The following SLCO3A1 variants were observed in gnomAD, a reference collection of about 807,000 sequenced individuals.
The protein encoded by SLCO3A1 is PGE1 transporter.
SLCO3A1 carries 27 observed loss-of-function variants against 63.1 expected under a neutral mutation model. The observed-to-expected ratio is 0.43, with a 90% CI of 0.32 to 0.59. The LOEUF (loss-of-function observed/expected upper bound fraction) is 0.59. Ranked by LOEUF, SLCO3A1 falls within the 20% of genes least tolerant of loss-of-function variation. The probability of loss-of-function intolerance (pLI) is 0.09; values close to 1 mark genes in which losing one functional copy is unlikely to be tolerated. For synonymous variants in SLCO3A1, 473 were observed against 409.9 expected (o/e 1.15, Z -1.86); for missense variants, 773 against 945.8 (o/e 0.82, Z 2.40).
chr15:91,870,780 C>T (rs909879700), intron 1 of SLCO3A1, among the ~76,000 whole-genome samples: 1 of 152,128 alleles, frequency 6.6e-6, no homozygotes, highest in Admixed American at 6.5e-5. Flanking sequence ...TGATTTTAAA[C>T]CATCTTTCTT....
At chr15:92,159,584 G>A (rs201996820) in intron 9 of SLCO3A1, among the ~76,000 whole-genome samples, 2 of 50,358 alleles carry the variant, frequency 4.0e-5, no homozygotes, top group South Asian at 5.5e-4. Context: ...TTTTTTTTTT[G>A]GAGATAGGAT....
At chr15:92,026,934 C>T (rs1740297678) in intron 2 of SLCO3A1, among the ~76,000 whole-genome samples, 1 of 152,108 alleles carries the variant, frequency 6.6e-6, no homozygotes, top group African/African-American at 2.4e-5. Context: ...ACTAAAAATA[C>T]AATAAACTAG....
At chr15:91,866,504 T>C (rs146384074) in intron 1 of SLCO3A1, among the ~76,000 whole-genome samples, 6 of 151,438 alleles carry the variant, frequency 4.0e-5, no homozygotes, top group African/African-American at 1.5e-4. Context: ...ATCTCATCCA[T>C]CTCTGTGGTT....
intron 2 of SLCO3A1, among the ~76,000 whole-genome samples, chr15:92,009,035 T>G (rs2046341943): frequency 6.6e-6 from 1 of 152,224 alleles, no homozygotes. Context: ...TTCTGACATG[T>G]TCTTTTTAAT....
At chr15:92,150,431 G>GA (rs926126386) in intron 8 of SLCO3A1, among the ~76,000 whole-genome samples, 19 of 152,124 alleles carry the variant, frequency 1.2e-4, no homozygotes, top group Non-Finnish European at 1.5e-5. Context: ...CACAGTGCTG[G>GA]AACATGCTAA....
chr15:92,021,865 A>T (rs2046513544), intron 2 of SLCO3A1, among the ~76,000 whole-genome samples: 1 of 151,914 alleles, frequency 6.6e-6, no homozygotes, highest in Non-Finnish European at 1.5e-5. Flanking sequence ...GAGGCAGAGG[A>T]GTGTCAGAGC....
At chr15:91,956,367 T>C (rs1272229265) in intron 2 of SLCO3A1, among the ~76,000 whole-genome samples, 1 of 152,184 alleles carries the variant, frequency 6.6e-6, no homozygotes, top group Non-Finnish European at 1.5e-5. Flanking sequence ...TTTTTACCAC[T>C]TCTGGGCAGC....
intron 1 of SLCO3A1, chr15:91,889,093 T>C (rs1285999638): frequency 8.6e-7 from 1 of 1,162,176 alleles, no homozygotes; most frequent in East Asian, 6.5e-5. Flanking sequence ...GTGTACTTGT[T>C]ATTACAGAAT....
rs530783797 is a variant in SLCO3A1, at chr15:91,885,103, A to G, written c.181-30890A>G. Among the ~76,000 whole-genome samples the G allele has an allele frequency of 2.0e-5, 3 of 152,230 alleles. No homozygotes were observed. In the East Asian group the frequency reaches 5.8e-4, roughly 29 times the overall value. On this transcript the variant is annotated intron_variant, in intron 1 of 9. Transcript: ENST00000318445. The surrounding 1 kb of genome is among the most constrained non-coding windows in gnomAD (Gnocchi z 4.7). ...CGTCCCATATAGGGACACAGAAAGG[A>G]GGTGATGGGGGTGGTGCTGAGCCTG...
At chr15:91,971,376 C>T (rs1900856110) in intron 2 of SLCO3A1, among the ~76,000 whole-genome samples, 2 of 43,340 alleles carry the variant, frequency 4.6e-5, no homozygotes, top group South Asian at 1.1e-3. Context: ...GCCTGGGTGA[C>T]AGAGCGAGAC....
At position 91,942,515 on chromosome 15, in the gene SLCO3A1, C is replaced by T. The variant is rs1012350871; in HGVS notation, c.646+26057C>T. On this transcript the variant is annotated intron_variant, in intron 2 of 9. Coordinates refer to ENST00000318445, the MANE Select transcript of SLCO3A1 (RefSeq NM_013272.4). This position sits in a 1 kb window ranked among gnomAD's most constrained non-coding sequence, Gnocchi z 4.1. ...TCAGTGGCCATCCCTCTTAGATTGA[C>T]GATGCCCAGGCTCACTGGTTTTCAA... Among the ~76,000 whole-genome samples the T allele has an allele frequency of 3.3e-5, 5 of 152,152 alleles. No individual in the cohort carries two copies. Among genetic ancestry groups the T allele is most frequent in the African/African-American group, 7.2e-5 (3 of 41,444 alleles).
chr15:92,044,369 G>A (rs2046835098), intron 2 of SLCO3A1, among the ~76,000 whole-genome samples: 2 of 152,066 alleles, frequency 1.3e-5, no homozygotes, highest in Admixed American at 6.6e-5. Flanking sequence ...CCAACTGCAG[G>A]CATATTCTGT....
At position 91,918,936 on chromosome 15, in the gene SLCO3A1, G is replaced by T. The variant is rs534356016; in HGVS notation, c.646+2478G>T. On this transcript the variant is annotated intron_variant, in intron 2 of 9. Transcript: ENST00000318445. ...TCTAGAGAGGGGCCCACAACCAATT[G>T]TCTGGTCATATGCCTAAATCGTGAC... 7.9e-5 allele frequency among the ~76,000 whole-genome samples: 12 copies of T among 152,342 alleles called. 1 individual carries two copies. The South Asian group carries it at 2.5e-3, about 32-fold the overall frequency.
intron 2 of SLCO3A1, among the ~76,000 whole-genome samples, chr15:92,047,103 T>TATATATAATATATAAATATATATGTATAA (rs2046880705): frequency 9.2e-5 from 1 of 10,886 alleles, no homozygotes; most frequent in African/African-American, 3.9e-4. Flanking sequence ...TATATACAAA[T>TATATATAATATATAAATATATATGTATAA]ATATATATAA....
chr15:92,115,839 T>G (rs962744396), intron 4 of SLCO3A1, among the ~76,000 whole-genome samples: 2 of 52,124 alleles, frequency 3.8e-5, no homozygotes, highest in African/African-American at 5.8e-5. Context: ...AAAAAAAAAA[T>G]GGACTAAGTC....
Position 92,147,174 on chromosome 15 carries a change from C to G in SLCO3A1, c.1688+15C>G, listed in dbSNP as rs1322001082. ...ATCCTCATCAGGTAAGCCCTCGGCACAGCCCCGCCTCTCCTCCTTTCCACC... is the reference window on the plus strand; with the variant it reads ...ATCCTCATCAGGTAAGCCCTCGGCAGAGCCCCGCCTCTCCTCCTTTCCACC... On this transcript the variant is annotated intron_variant, in intron 8 of 9. Coordinates refer to ENST00000318445, the MANE Select transcript of SLCO3A1 (RefSeq NM_013272.4). The G allele has an allele frequency of 6.3e-7, 1 of 1,598,894 alleles. No homozygotes were observed. The highest frequency in any genetic ancestry group is 2.2e-5 in the East Asian group (1 of 44,706).
rs1348258554 is a variant in SLCO3A1 at position 92,139,920 on chromosome 15, A to C, written c.1513-7064A>C. 8.2e-3 allele frequency among the ~76,000 whole-genome samples: 1,221 copies of C among 149,352 alleles called. 13 individuals carry two copies. Among genetic ancestry groups the C allele is most frequent in the African/African-American group, 0.029 (1,175 of 39,848 alleles). ...CTATCAATTTTGTTGATCCTTTCAA[A>C]AAACCAGCTCCTGGATTCATTAATT... is the stretch of plus-strand genomic sequence containing the variant. On this transcript the variant is annotated intron_variant, in intron 7 of 9. Coordinates refer to ENST00000318445, the MANE Select transcript of SLCO3A1 (RefSeq NM_013272.4).
Position 91,941,951 on chromosome 15 carries a change from G to A in SLCO3A1, c.646+25493G>A, listed in dbSNP as rs1052240312. ...GGGGGCTTGCACCAGCGTACTGGCT[G>A]AGGACTGCCTGCCTTTGAGCTAGGT... On this transcript the variant is annotated intron_variant, in intron 2 of 9. Coordinates refer to ENST00000318445, the MANE Select transcript of SLCO3A1 (RefSeq NM_013272.4). This position sits in a 1 kb window ranked among gnomAD's most constrained non-coding sequence, Gnocchi z 4.4. 6.6e-6 allele frequency among the ~76,000 whole-genome samples: 1 copy of A among 152,212 alleles called. No individual in the cohort carries two copies. The highest frequency in any genetic ancestry group is 6.5e-5 in the Admixed American group (1 of 15,280).
intron 9 of SLCO3A1, chr15:92,153,419 A>G (rs1187828355): frequency 6.6e-6 from 1 of 152,226 alleles, no homozygotes; most frequent in Admixed American, 6.5e-5. Context: ...CTAGAAGACT[A>G]TGACACAGCT....
Sources: gnomAD v4.1 joint callset for allele counts (sites outside exome capture counted in the v4.1 genomes callset) on GRCh38, gnomAD v4.1.1 for gene constraint, Gnocchi (gnomAD v3.1) non-coding constraint, MANE v1.5 for transcripts, NCBI Gene and HGNC (gene_info 2026-07-23, HGNC 2026-07-21) for gene names.